Variants in FBXL20 observed in about 807,000 individuals in gnomAD.
FBXL20 encodes F-box/LRR-repeat protein 20.
FBXL20 carries 11 observed loss-of-function variants against 64.0 expected under a neutral mutation model. That is an observed-to-expected ratio of 0.17 (90% CI 0.11 to 0.28). FBXL20 has a LOEUF of 0.28. Among genes scored for constraint, FBXL20 ranks in the 10% least tolerant of loss-of-function variants. The pLI, the probability that FBXL20 is intolerant of heterozygous loss-of-function variation, is 1.00. For missense variants in FBXL20, 303 were observed against 526.2 expected, an observed-to-expected ratio of 0.58 and a Z score of 4.15; for synonymous variants, 184 against 189.0, an observed-to-expected ratio of 0.97 and a Z score of 0.22.
chr17:39,341,497 C>A (rs530489264), intron 2 of FBXL20, among the ~76,000 whole-genome samples: 4 of 152,282 alleles, frequency 2.6e-5, no homozygotes, highest in African/African-American at 9.6e-5. Flanking sequence ...CATAACTCTA[C>A]ACTGTAGTCA....
rs1350310069 is a variant in FBXL20, at chr17:39,401,528, G to A, written c.-126C>T. The A allele has an allele frequency of 3.4e-6, 5 of 1,457,386 alleles. No homozygotes were observed. Among genetic ancestry groups the A allele is most frequent in the Non-Finnish European group, 4.5e-6 (5 of 1,115,864 alleles). The allele number at this position is 1,457,386 out of a possible 1,614,324, so 90.3% of individuals were successfully genotyped here. A position where few individuals can be genotyped will look rare whatever the true frequency, so the allele number is the denominator to read the frequency against. ...CCGGAGGGGTGACGCCGGGACCGTGGGACGGGAACAAGAGACCTCTCGGCT... is the reference window on the plus strand; with the variant it reads ...CCGGAGGGGTGACGCCGGGACCGTGAGACGGGAACAAGAGACCTCTCGGCT... On this transcript the variant is annotated 5_prime_UTR_variant, in exon 1 of 15. Coordinates refer to ENST00000264658, the MANE Select transcript of FBXL20 (RefSeq NM_032875.3).
intron 1 of FBXL20, among the ~76,000 whole-genome samples, chr17:39,397,974 C>G (rs1446931795): frequency 7.0e-6 from 1 of 141,964 alleles, no homozygotes; most frequent in African/African-American, 2.6e-5. Flanking sequence ...AATCGTAAAA[C>G]TAGAGGTAAC....
At chr17:39,270,551 T>A (rs900812857) in intron 11 of FBXL20, among the ~76,000 whole-genome samples, 2 of 151,906 alleles carry the variant, frequency 1.3e-5, no homozygotes, top group Non-Finnish European at 2.9e-5. Flanking sequence ...CTCAAAAAAA[T>A]TTAAAAAAAA....
chr17:39,326,598 C>A (rs560194948), intron 2 of FBXL20, among the ~76,000 whole-genome samples: 2 of 151,294 alleles, frequency 1.3e-5, no homozygotes, highest in Non-Finnish European at 3.0e-5. Flanking sequence ...CTCCAGCCTG[C>A]GTGACAGAGC....
intron 3 of FBXL20, among the ~76,000 whole-genome samples, chr17:39,302,576 T>C (rs954555707): frequency 4.6e-5 from 7 of 152,124 alleles, no homozygotes; most frequent in African/African-American, 9.7e-5. Context: ...GGTTTCACTG[T>C]GTTAGCCAGG....
At chr17:39,368,334 G>A (rs990228373) in intron 1 of FBXL20, among the ~76,000 whole-genome samples, 25 of 152,112 alleles carry the variant, frequency 1.6e-4, no homozygotes, top group Admixed American at 1.3e-4. Context: ...CAAGGCTGCA[G>A]TGAACTATGA....
chr17:39,329,771 G>A (rs1291927412), intron 2 of FBXL20, among the ~76,000 whole-genome samples: 5 of 152,140 alleles, frequency 3.3e-5, no homozygotes, highest in African/African-American at 1.2e-4. Context: ...GCCAAGGCAG[G>A]AGGATCACTT....
chr17:39,373,944 G>T (rs183319693), intron 1 of FBXL20, among the ~76,000 whole-genome samples: 1 of 152,120 alleles, frequency 6.6e-6, no homozygotes, highest in Non-Finnish European at 1.5e-5. Flanking sequence ...GATTATGGCC[G>T]GACACGGTGG....
At chr17:39,280,955 G>A (rs1421290161) in intron 9 of FBXL20, among the ~76,000 whole-genome samples, 1 of 152,010 alleles carries the variant, frequency 6.6e-6, no homozygotes, top group Non-Finnish European at 1.5e-5. Flanking sequence ...GTAGAGACGG[G>A]GTTTTGTCAT....
At chr17:39,290,169 A>G (rs1462190064) in intron 6 of FBXL20, among the ~76,000 whole-genome samples, 1 of 151,758 alleles carries the variant, frequency 6.6e-6, no homozygotes, top group African/African-American at 2.4e-5. Context: ...TATTTTTTAT[A>G]TTTTTGGGTA....
intron 1 of FBXL20, among the ~76,000 whole-genome samples, chr17:39,355,809 TG>T (rs1183890292): frequency 6.9e-6 from 1 of 144,066 alleles, no homozygotes; most frequent in East Asian, 2.0e-4. Flanking sequence ...GAGCTGAGAT[TG>T]TGCCATTGCA....
chr17:39,326,864 A>G (rs1181630840), intron 2 of FBXL20, among the ~76,000 whole-genome samples: 1 of 144,864 alleles, frequency 6.9e-6, no homozygotes, highest in Admixed American at 7.0e-5. Context: ...CTGGCCTCAA[A>G]CAATCCTCCT....
intron 2 of FBXL20, among the ~76,000 whole-genome samples, chr17:39,311,048 C>T (rs1192992156): frequency 6.6e-6 from 1 of 151,694 alleles, no homozygotes; most frequent in Non-Finnish European, 1.5e-5. Context: ...GTATATGTAG[C>T]CCCAGCTACT....
intron 11 of FBXL20, among the ~76,000 whole-genome samples, chr17:39,269,379 G>C (rs1485933755): frequency 6.6e-6 from 1 of 151,860 alleles, no homozygotes; most frequent in Non-Finnish European, 1.5e-5. Context: ...ATTTTTAGTA[G>C]AGACGGGGTT....
chr17:39,317,085 GTAATT>G (rs769145326), intron 2 of FBXL20, among the ~76,000 whole-genome samples: 11 of 152,186 alleles, frequency 7.2e-5, no homozygotes, highest in East Asian at 3.8e-4. Flanking sequence ...ACTTCCCAAT[GTAATT>G]TAATTTCCTG....
At chr17:39,284,210 T>G (rs2046970381) in intron 7 of FBXL20, among the ~76,000 whole-genome samples, 1 of 152,198 alleles carries the variant, frequency 6.6e-6, no homozygotes, top group African/African-American at 2.4e-5. Context: ...TTCACAAAGC[T>G]TTTAAATAAA....
At chr17:39,298,935 G>A in intron 5 of FBXL20, 55 bp downstream of exon 5, 1 of 1,408,474 alleles carries the variant, frequency 7.1e-7, no homozygotes, top group Non-Finnish European at 1.0e-6. Context: ...TTCTGGGTGA[G>A]ATGGTGCTGC....
intron 1 of FBXL20, among the ~76,000 whole-genome samples, chr17:39,387,272 C>CT (rs1366259281): frequency 6.8e-6 from 1 of 146,614 alleles, no homozygotes; most frequent in East Asian, 2.0e-4. Flanking sequence ...GGTGTATTAA[C>CT]TGCACTTTTT....
chr17:39,345,111 G>A (rs775541092), intron 1 of FBXL20, among the ~76,000 whole-genome samples: 1 of 152,158 alleles, frequency 6.6e-6, no homozygotes, highest in Admixed American at 6.6e-5. Context: ...TTCCGTCGCT[G>A]CTATTAAGTA....
Sources: gnomAD v4.1 joint callset for allele counts (sites outside exome capture counted in the v4.1 genomes callset) on GRCh38, gnomAD v4.1.1 for gene constraint, MANE v1.5 for transcripts, NCBI Gene and HGNC (gene_info 2026-07-23, HGNC 2026-07-21) for gene names.